Variants in MACROD2 observed in about 807,000 individuals in gnomAD.
The protein encoded by MACROD2 is ADP-ribose glycohydrolase MACROD2.
In MACROD2, 36 loss-of-function variants were observed where a neutral mutation model predicts 70.4. The observed-to-expected ratio is 0.51, with a 90% CI of 0.39 to 0.68. MACROD2 has a LOEUF of 0.68. MACROD2 is among the 30% of genes least tolerant of loss of function. The pLI, the probability that MACROD2 is intolerant of heterozygous loss-of-function variation, is 0.00. For synonymous variants in MACROD2, 172 were observed against 178.8 expected (o/e 0.96, Z 0.30); for missense variants, 496 against 538.4 (o/e 0.92, Z 0.78).
At chr20:14,457,744 G>A (rs1412629773) in intron 3 of MACROD2, among the ~76,000 whole-genome samples, 5 of 152,124 alleles carry the variant, frequency 3.3e-5, no homozygotes, top group Admixed American at 3.3e-4. Flanking sequence ...CACAGCGGGG[G>A]CTGCAAGACA....
At chr20:15,739,694 T>G (rs1435291040) in intron 8 of MACROD2, among the ~76,000 whole-genome samples, 1 of 152,106 alleles carries the variant, frequency 6.6e-6, no homozygotes, top group Non-Finnish European at 1.5e-5. Flanking sequence ...ATAGACTCCT[T>G]TATGAAAGAA....
At chr20:14,462,896 C>A (rs1165330136) in intron 3 of MACROD2, among the ~76,000 whole-genome samples, 10 of 151,906 alleles carry the variant, frequency 6.6e-5, no homozygotes, top group East Asian at 1.9e-4. Context: ...TGGTCTATAT[C>A]TCTGTTTTGG....
chr20:15,624,554 T>C (rs1389978719), intron 8 of MACROD2, among the ~76,000 whole-genome samples: 1 of 152,200 alleles, frequency 6.6e-6, no homozygotes, highest in Admixed American at 6.6e-5. Flanking sequence ...GTTAGAAAGC[T>C]ATGGCCCACA....
intron 5 of MACROD2, among the ~76,000 whole-genome samples, chr20:14,975,334 C>T (rs1261662817): frequency 2.0e-5 from 3 of 151,992 alleles, no homozygotes; most frequent in Admixed American, 1.3e-4. Context: ...GCCCACAGTG[C>T]GTATCCATAG....
At chr20:15,460,977 C>CATATATATATATAT (rs1157335873) in intron 7 of MACROD2, among the ~76,000 whole-genome samples, 60 of 69,634 alleles carry the variant, frequency 8.6e-4, no homozygotes, top group Non-Finnish European at 1.1e-3. Context: ...TCTCTCTCTC[C>CATATATATATATAT]ATATATATAT....
intron 3 of MACROD2, among the ~76,000 whole-genome samples, chr20:14,468,966 A>T (rs2084493855): frequency 6.6e-6 from 1 of 152,072 alleles, no homozygotes. Context: ...TGTGAATTTG[A>T]TCCTGGCATT....
intron 10 of MACROD2, among the ~76,000 whole-genome samples, chr20:15,908,382 A>C (rs1385686503): frequency 6.6e-6 from 1 of 152,194 alleles, no homozygotes; most frequent in Admixed American, 6.5e-5. Flanking sequence ...TTCTCTTCTC[A>C]GGCCTATGGG....
intron 3 of MACROD2, among the ~76,000 whole-genome samples, chr20:14,158,527 C>T (rs905330057): frequency 1.2e-4 from 18 of 151,930 alleles, no homozygotes; most frequent in African/African-American, 4.1e-4. Flanking sequence ...GAAGTATTTT[C>T]CTTATGTTTT....
At chr20:14,813,717 A>G (rs931552166) in intron 5 of MACROD2, among the ~76,000 whole-genome samples, 6 of 152,020 alleles carry the variant, frequency 3.9e-5, no homozygotes, top group African/African-American at 1.4e-4. Context: ...ACCTCCATAC[A>G]TTCATCAATC....
intron 5 of MACROD2, among the ~76,000 whole-genome samples, chr20:15,070,812 TA>T (rs1189523445): frequency 6.6e-6 from 1 of 152,000 alleles, no homozygotes. Flanking sequence ...GGTATTCCTT[TA>T]TGGCAACTCA....
intron 8 of MACROD2, among the ~76,000 whole-genome samples, chr20:15,675,593 A>T (rs2050046213): frequency 6.6e-6 from 1 of 152,224 alleles, no homozygotes; most frequent in Non-Finnish European, 1.5e-5. Context: ...TGAATGTTGG[A>T]GGAATTACCA....
chr20:15,599,533 G>A lies in MACROD2; in HGVS notation c.645+99686G>A, dbSNP rs78533797. 5.8e-3 allele frequency among the ~76,000 whole-genome samples: 879 copies of A among 152,200 alleles called. 9 individuals carry two copies. The highest frequency in any genetic ancestry group is 0.02 in the African/African-American group (837 of 41,510). On this transcript the variant is annotated intron_variant, in intron 8 of 17. Coordinates refer to ENST00000684519, the MANE Select transcript of MACROD2 (RefSeq NM_001351661.2). ...CTGCCAAGCTGGAAAACTTCCAGCC[G>A]TGTGGTCTTGGACAAGCCACTTCAC...
At chr20:14,141,747 GAAAAAAAAAAAAAAA>G (rs3043659) in intron 3 of MACROD2, among the ~76,000 whole-genome samples, 1 of 66,830 alleles carries the variant, frequency 1.5e-5, no homozygotes, top group African/African-American at 6.1e-5. Context: ...CTCCATCTCA[GAAAAAAAAAAAAAAA>G]AAAAAAAAAA....
intron 15 of MACROD2, 55 bp from the exon 16 acceptor site, chr20:16,041,146 C>T: frequency 1.4e-6 from 2 of 1,465,006 alleles, no homozygotes; most frequent in Non-Finnish European, 1.9e-6. Context: ...ATGATTGGCC[C>T]TCAGGCTGTT....
intron 5 of MACROD2, among the ~76,000 whole-genome samples, chr20:14,845,998 A>G (rs1216587369): frequency 9.9e-5 from 15 of 152,114 alleles, no homozygotes. Context: ...CCAAATCCAC[A>G]CTTGAGTATT....
At chr20:15,029,061 TG>T (rs1313077275) in intron 5 of MACROD2, among the ~76,000 whole-genome samples, 25 of 152,102 alleles carry the variant, frequency 1.6e-4, no homozygotes, top group Admixed American at 1.6e-3. Flanking sequence ...TCACAGGGCA[TG>T]GGGAGCAAGT....
intron 8 of MACROD2, among the ~76,000 whole-genome samples, chr20:15,681,601 C>T (rs529564101): frequency 6.6e-6 from 1 of 152,300 alleles, no homozygotes; most frequent in East Asian, 1.9e-4. Flanking sequence ...AACCAGTGCT[C>T]ATTTTCATAT....
chr20:14,390,108 C>G (rs1379988700), intron 3 of MACROD2, among the ~76,000 whole-genome samples: 2 of 152,134 alleles, frequency 1.3e-5, no homozygotes, highest in Non-Finnish European at 2.9e-5. Context: ...CAACAGCAGT[C>G]AAGCTGAGAT....
At chr20:15,912,753 A>G (rs549030849) in intron 10 of MACROD2, among the ~76,000 whole-genome samples, 1 of 152,378 alleles carries the variant, frequency 6.6e-6, no homozygotes, top group African/African-American at 2.4e-5. Flanking sequence ...ATAAAAACCA[A>G]ATAAGGTTAT....
Sources: gnomAD v4.1 joint callset for allele counts (sites outside exome capture counted in the v4.1 genomes callset) on GRCh38, gnomAD v4.1.1 for gene constraint, MANE v1.5 for transcripts, NCBI Gene and HGNC (gene_info 2026-07-23, HGNC 2026-07-21) for gene names.